CAPN2: variants seen among roughly 807,000 people sequenced by gnomAD.
CAPN2 encodes calpain-2 catalytic subunit.
In CAPN2, 92 loss-of-function variants were observed where a neutral mutation model predicts 102.3. That is an observed-to-expected ratio of 0.90 (90% CI 0.76 to 1.07). The LOEUF (loss-of-function observed/expected upper bound fraction) is 1.07. CAPN2 is among the 50% of genes least tolerant of loss of function. The pLI, the probability that CAPN2 is intolerant of heterozygous loss-of-function variation, is 0.00. For synonymous variants in CAPN2, 340 were observed against 355.4 expected (o/e 0.96, Z 0.49); for missense variants, 800 against 909.4 (o/e 0.88, Z 1.55).
At chr1:223,723,257 TGAGCCGTGCACTCCAGCCTGGTTCTG>T (rs1259337535) in intron 2 of CAPN2, among the ~76,000 whole-genome samples, 4 of 152,162 alleles carry the variant, frequency 2.6e-5, no homozygotes, top group Admixed American at 2.6e-4. Context: ...GAAGCTGCTG[TGAGCCGTGCACTCCAGCCTGGTTCTG>T]GAGCCACTGC....
rs758209632 is a variant in CAPN2 at position 223,755,579 on chromosome 1, T to C, written c.1235T>C (p.Ile412Thr). The C allele has an allele frequency of 6.2e-7, 1 of 1,613,792 alleles. No individual in the cohort carries two copies. Among genetic ancestry groups the C allele is most frequent in the South Asian group, 1.1e-5 (1 of 91,032 alleles). Residue 412 changes from isoleucine to threonine, a missense_variant, in exon 10 of 21, where the codon ATT becomes ACT. By Grantham distance (89) the Ile-to-Thr change is moderately conservative. Transcript: ENST00000295006. This position sits in a 1 kb window ranked among gnomAD's most constrained non-coding sequence, Gnocchi z 4.1. The stretch of plus-strand genomic sequence containing the variant: ...GGCTGCACCTTCCTGGTGGGGCTCA[T>C]TCAGAAGCACCGACGGCGGCAGAGG... ...ESGCTFLVGL[I>T]QKHRRRQRKM...
intron 2 of CAPN2, among the ~76,000 whole-genome samples, chr1:223,741,436 A>ATAATG (rs1660610644): frequency 1.6e-5 from 2 of 124,278 alleles, no homozygotes; most frequent in East Asian, 4.6e-4. Context: ...TATATATATA[A>ATAATG]TGTGTATATA....
chr1:223,752,698 C>G, intron 8 of CAPN2, 98 bp from the exon 9 acceptor site: 3 of 1,169,400 alleles, frequency 2.6e-6, no homozygotes, highest in Non-Finnish European at 3.7e-6. Context: ...AGCTGCTCTG[C>G]CTGGCTTTGG....
At chr1:223,761,751 C>G in intron 13 of CAPN2, 134 bp downstream of exon 13, 3 of 727,732 alleles carry the variant, frequency 4.1e-6, no homozygotes, top group Non-Finnish European at 7.0e-6. Flanking sequence ...TACTGGGAAT[C>G]CAAGAGTCGA....
intron 2 of CAPN2, among the ~76,000 whole-genome samples, chr1:223,743,151 T>C (rs1660667417): frequency 6.6e-6 from 1 of 152,140 alleles, no homozygotes; most frequent in Non-Finnish European, 1.5e-5. Context: ...CCTGCTCTCA[T>C]TATGCCTCAC....
At chr1:223,747,197 C>T (rs1481637763) in intron 5 of CAPN2, 32 bp downstream of exon 5, 1 of 1,569,040 alleles carries the variant, frequency 6.4e-7, no homozygotes, top group South Asian at 1.2e-5. Flanking sequence ...TAGCCTCACC[C>T]CATCTGCTCT....
At chr1:223,733,868 A>G (rs538253097) in intron 2 of CAPN2, among the ~76,000 whole-genome samples, 1 of 152,360 alleles carries the variant, frequency 6.6e-6, no homozygotes, top group South Asian at 2.1e-4. Context: ...ACAAATGAGC[A>G]AATGAATACA....
At position 223,725,089 on chromosome 1, in the gene CAPN2, T is replaced by A. The variant is rs573911432; in HGVS notation, c.307+7258T>A. On this transcript the variant is annotated intron_variant, in intron 2 of 20. Coordinates refer to ENST00000295006, the MANE Select transcript of CAPN2 (RefSeq NM_001748.5). This position sits in a 1 kb window ranked among gnomAD's most constrained non-coding sequence, Gnocchi z 4.1. ...CTTATTCTGCCACATACTGGCTCTGTCATTTTGAGTGGATCACTATCCTCT... is the reference window on the plus strand; with the variant it reads ...CTTATTCTGCCACATACTGGCTCTGACATTTTGAGTGGATCACTATCCTCT... Among the ~76,000 whole-genome samples, 1 of 152,350 alleles carries A rather than the reference T, an allele frequency of 6.6e-6. No individual in the cohort carries two copies. The highest frequency in any genetic ancestry group is 6.5e-5 in the Admixed American group (1 of 15,300).
intron 2 of CAPN2, among the ~76,000 whole-genome samples, chr1:223,737,932 C>T (rs1260971435): frequency 6.6e-6 from 1 of 152,020 alleles, no homozygotes; most frequent in African/African-American, 2.4e-5. Flanking sequence ...CCCAGGGGAG[C>T]ACAGGGAAGG....
intron 6 of CAPN2, among the ~76,000 whole-genome samples, chr1:223,750,140 T>C (rs1660850585): frequency 6.6e-6 from 1 of 152,180 alleles, no homozygotes; most frequent in Non-Finnish European, 1.5e-5. Context: ...CACACACACG[T>C]CTTTTTATTT....
intron 1 of CAPN2, 144 bp from the exon 2 acceptor site, chr1:223,717,616 CAG>C: frequency 1.5e-6 from 1 of 673,780 alleles, no homozygotes; most frequent in Non-Finnish European, 2.7e-6. Context: ...CCTCATGACA[CAG>C]AGTTCTGACT....
Position 223,748,954 on chromosome 1 carries a change from G to A in CAPN2, c.730-85G>A, listed in dbSNP as rs183512309. The A allele has an allele frequency of 1.3e-3, 1,688 of 1,303,624 alleles. 27 individuals carry two copies. Among genetic ancestry groups the A allele is most frequent in the Non-Finnish European group, 1.2e-4 (110 of 907,644 alleles). 80.8% of individuals were successfully genotyped at this position (1,303,624 alleles called of 1,614,324 possible). A position where few individuals can be genotyped will look rare whatever the true frequency, so the allele number is the denominator to read the frequency against. On this transcript the variant is annotated intron_variant, in intron 5 of 20. Transcript: ENST00000295006. ...CTGCGCTAGTGCGTCCGGCGGTCCCGCCCGGCAGTAGGACAGAGGGAGCGA... is the reference window on the plus strand; with the variant it reads ...CTGCGCTAGTGCGTCCGGCGGTCCCACCCGGCAGTAGGACAGAGGGAGCGA...
chr1:223,740,388 A>T (rs1455800512), intron 2 of CAPN2, among the ~76,000 whole-genome samples: 2 of 152,228 alleles, frequency 1.3e-5, no homozygotes, highest in East Asian at 3.8e-4. Flanking sequence ...CAAAGGAGAC[A>T]GGGTCATTTA....
At chr1:223,715,546 C>T (rs1659855170) in intron 1 of CAPN2, among the ~76,000 whole-genome samples, 1 of 151,990 alleles carries the variant, frequency 6.6e-6, no homozygotes, top group South Asian at 2.1e-4. Context: ...TGCTCTTCCT[C>T]GGAGAGAGGA....
intron 9 of CAPN2, among the ~76,000 whole-genome samples, chr1:223,753,725 C>G (rs1033316620): frequency 6.6e-6 from 1 of 152,198 alleles, no homozygotes; most frequent in Non-Finnish European, 1.5e-5. Context: ...CCTCAGGTGA[C>G]AGGTCGCAGT....
rs932738395 is a variant in CAPN2, at chr1:223,753,815, A to C, written c.1135+859A>C. ...GAATTACCTTCAGCCTATGTGTATA[A>C]ATTATATATGAAACAGAAATGAGTT... On this transcript the variant is annotated intron_variant, in intron 9 of 20. Transcript: ENST00000295006. Among the ~76,000 whole-genome samples, 5 of 152,350 alleles carry C rather than the reference A, an allele frequency of 3.3e-5. No homozygotes were observed. In the South Asian group the frequency reaches 6.2e-4, roughly 19 times the overall value.
intron 11 of CAPN2, chr1:223,757,819 A>C: frequency 5.3e-6 from 1 of 189,070 alleles, no homozygotes; most frequent in Non-Finnish European, 1.1e-5. Context: ...GACACGTTAC[A>C]GCTCCTCTCT....
chr1:223,738,752 G>A (rs372779810), intron 2 of CAPN2, among the ~76,000 whole-genome samples: 23 of 152,368 alleles, frequency 1.5e-4, no homozygotes, highest in African/African-American at 4.8e-4. Context: ...AGGAGGAAGC[G>A]TGGCTGAGTC....
Position 223,756,963 on chromosome 1 carries a change from A to T in CAPN2, c.1306-406A>T, listed in dbSNP as rs1661050118. Among the ~76,000 whole-genome samples, 1 of 152,182 alleles carries T rather than the reference A, an allele frequency of 6.6e-6. No individual in the cohort carries two copies. The highest frequency in any genetic ancestry group is 2.4e-5 in the African/African-American group (1 of 41,448). ...GAGGAGAGGGGACTTGCTCAAGGAA[A>T]TGCAGACCGGACCACTGGACCTGGC... On this transcript the variant is annotated intron_variant, in intron 10 of 20. Transcript: ENST00000295006. This position sits in a 1 kb window ranked among gnomAD's most constrained non-coding sequence, Gnocchi z 4.1.
Sources: allele counts gnomAD v4.1 joint callset (sites outside exome capture counted in the v4.1 genomes callset), GRCh38; gene constraint gnomAD v4.1.1; non-coding constraint Gnocchi (gnomAD v3.1); transcripts MANE v1.5; gene names NCBI Gene and HGNC (gene_info 2026-07-23, HGNC 2026-07-21).